LRIG3: variants seen among roughly 807,000 people sequenced by gnomAD.
LRIG3 encodes the protein leucine-rich repeats and immunoglobulin-like domains protein 3.
Under a neutral mutation model 114.5 loss-of-function variants are expected in LRIG3, and 76 were observed. The observed-to-expected ratio is 0.66, with a 90% confidence interval of 0.55 to 0.80. The LOEUF is 0.80. Ranked by LOEUF, LRIG3 falls within the 30% of genes least tolerant of loss-of-function variation. The probability of loss-of-function intolerance (pLI) is 0.00; values close to 1 mark genes in which losing one functional copy is unlikely to be tolerated. For synonymous variants in LRIG3, 512 were observed against 519.8 expected, an observed-to-expected ratio of 0.98 and a Z score of 0.20; for missense variants, 1,239 against 1,382.8, an observed-to-expected ratio of 0.90 and a Z score of 1.65.
At chr12:58,899,613 A>G (rs1459580556) in intron 3 of LRIG3, among the ~76,000 whole-genome samples, 1 of 151,540 alleles carries the variant, frequency 6.6e-6, no homozygotes, top group Admixed American at 6.6e-5. Flanking sequence ...AAAGATATTA[A>G]ATTTGTTTTG....
At chr12:58,890,475 T>C (rs988482638) in intron 4 of LRIG3, among the ~76,000 whole-genome samples, 190 bp downstream of exon 4, 2 of 152,226 alleles carry the variant, frequency 1.3e-5, no homozygotes, top group Non-Finnish European at 2.9e-5. Flanking sequence ...AAATATGTAA[T>C]TTTTTGTAAT....
In LRIG3 at chr12:58,890,715, G is replaced by T; in HGVS notation, c.465C>A (p.Asn155Lys). The T allele has an allele frequency of 6.2e-7, 1 of 1,607,344 alleles. No homozygotes were observed. The highest frequency in any genetic ancestry group is 8.5e-7 in the Non-Finnish European group (1 of 1,177,324). Residue 155 changes from asparagine (N) to lysine (K), a missense_variant, in exon 4 of 19, where the codon AAC becomes AAA. By Grantham distance (94) the Asn-to-Lys change is moderately conservative. Coordinates refer to ENST00000320743, the MANE Select transcript of LRIG3 (RefSeq NM_153377.5). ...ATGCAGTTTGGAGCTCTGAAATATT[G>T]TTGCTGCTAAGGTCCAAAGTTTCAA... Reference protein sequence around the residue: ...QSLETLDLSSNNISELQTAFP... With the variant: ...QSLETLDLSSKNISELQTAFP...
Position 58,879,090 on chromosome 12 carries a change from G to A in LRIG3, c.1817C>T (p.Thr606Ile). 8.7e-6 allele frequency: 14 copies of A among 1,612,032 alleles called. No homozygotes were observed. The highest frequency in any genetic ancestry group is 1.2e-5 in the Non-Finnish European group (14 of 1,178,466). ...KLTVNMLPSF[T>I]KTPMDLTIRA... ...GATGGTGAGATCCATGGGGGTCTTG[G>A]TGAATGAGGGAAGCACTGAAATCAG... is the stretch of plus-strand genomic sequence containing the variant. The change falls in exon 14 of 19, where the codon ACC becomes ATC. Residue 606 changes from threonine (T) to isoleucine (I), a missense_variant. Physicochemically the swap from Thr to Ile is moderately conservative, Grantham distance 89. Coordinates refer to ENST00000320743, the MANE Select transcript of LRIG3 (RefSeq NM_153377.5).
In LRIG3 at chr12:58,876,502, G is replaced by C; in HGVS notation, c.2638C>G (p.His880Asp). The change falls in exon 16 of 19, where the codon CAC becomes GAC. Residue 880 changes from histidine (H) to aspartate (D), a missense_variant. Physicochemically the swap from His to Asp is moderately conservative, Grantham distance 81 (BLOSUM62 -1). Transcript: ENST00000320743. Reference sequence around the variant, plus strand: ...GCACCTGAAGATGTGACAAACTGGTGGTGGCTTCCACTTTCTGAAGACACG... The same window carrying C: ...GCACCTGAAGATGTGACAAACTGGTCGTGGCTTCCACTTTCTGAAGACACG... ...GYVSSESGSH[H>D]QFVTSSGAGF... The C allele has an allele frequency of 7.4e-6, 12 of 1,614,134 alleles. No individual in the cohort carries two copies. Among genetic ancestry groups the C allele is most frequent in the Non-Finnish European group, 1.0e-5 (12 of 1,180,008 alleles).
intron 3 of LRIG3, among the ~76,000 whole-genome samples, chr12:58,891,157 C>T (rs745796135): frequency 6.6e-6 from 1 of 151,838 alleles, no homozygotes; most frequent in Non-Finnish European, 1.5e-5. Context: ...ACTCTGTCAC[C>T]CAGGCTACAG....
rs1413637040 is a variant in LRIG3, at chr12:58,879,996, C to T, written c.1801+585G>A. The stretch of plus-strand genomic sequence containing the variant: ...ATCAGTATACTACACTGTAAACTCT[C>T]AAAGAGGAAAACATTGCTGGGCACG... On this transcript the variant is annotated intron_variant, in intron 13 of 18. Transcript: ENST00000320743. Among the ~76,000 whole-genome samples, 5 of 152,188 alleles carry T rather than the reference C, an allele frequency of 3.3e-5. No homozygotes were observed. In the East Asian group the frequency reaches 7.7e-4, roughly 24 times the overall value.
At chr12:58,910,016 T>C (rs529938482) in intron 3 of LRIG3, among the ~76,000 whole-genome samples, 17 of 152,294 alleles carry the variant, frequency 1.1e-4, no homozygotes, top group Admixed American at 1.1e-3. Context: ...GTAGAGTACA[T>C]GTTTCGGTGT....
In LRIG3 at chr12:58,920,111, G is replaced by C. The variant is rs760193157; in HGVS notation, c.125C>G (p.Ala42Gly). 1 of 1,550,392 alleles carries C rather than the reference G, an allele frequency of 6.4e-7. No homozygotes were observed. Among genetic ancestry groups the C allele is most frequent in the Non-Finnish European group, 8.7e-7 (1 of 1,148,124 alleles). The change falls in exon 1 of 19, where the codon GCC (alanine) becomes GGC (glycine). Residue 42 changes from alanine to glycine, a missense_variant. Physicochemically the swap from Ala to Gly is moderately conservative, Grantham distance 60 (BLOSUM62 0). Transcript: ENST00000320743. ...RGELGQPSGVAAERPCPTTCR... is the reference protein window; with the variant it reads ...RGELGQPSGVGAERPCPTTCR... ...GGTAGTGGGGCATGGGCGCTCGGCG[G>C]CTACCCCAGAGGGCTGCCCGAGTTC... is the stretch of plus-strand genomic sequence containing the variant.
intron 3 of LRIG3, among the ~76,000 whole-genome samples, chr12:58,903,396 G>C (rs1871940566): frequency 6.6e-6 from 1 of 152,236 alleles, no homozygotes; most frequent in South Asian, 2.1e-4. Context: ...CATATCCTTT[G>C]CCCACTTTTT....
In LRIG3 at chr12:58,874,172, T is replaced by G; in HGVS notation, c.2998A>C (p.Thr1000Pro). The change falls in exon 18 of 19, where the codon ACT (threonine) becomes CCT (proline). Residue 1000 changes from threonine (T) to proline (P), a missense_variant. Transcript: ENST00000320743. ...GGTCCTTCATTGTGAGAGTAACTAG[T>G]GTTAAGTAGCTTCCTCACATGTGAA... ...WPSHVRKLLNTSYSHNEGPGM... is the reference protein window; with the variant it reads ...WPSHVRKLLNPSYSHNEGPGM... The G allele has an allele frequency of 6.2e-7, 1 of 1,614,204 alleles. No homozygotes were observed. The highest frequency in any genetic ancestry group is 8.5e-7 in the Non-Finnish European group (1 of 1,180,032).
intron 13 of LRIG3, among the ~76,000 whole-genome samples, chr12:58,880,114 G>A (rs1231237613): frequency 1.3e-5 from 2 of 152,066 alleles, no homozygotes; most frequent in South Asian, 4.2e-4. Flanking sequence ...GACCAATATA[G>A]TGAAACCCCG....
chr12:58,882,699 C>T (rs556103209), intron 12 of LRIG3, among the ~76,000 whole-genome samples, 170 bp downstream of exon 12: 3 of 152,240 alleles, frequency 2.0e-5, no homozygotes, highest in Non-Finnish European at 4.4e-5. Context: ...ACTCTCTTTC[C>T]CATCTGTGAA....
intron 12 of LRIG3, among the ~76,000 whole-genome samples, chr12:58,882,435 C>T (rs1469700423): frequency 6.6e-6 from 1 of 151,746 alleles, no homozygotes; most frequent in Non-Finnish European, 1.5e-5. Context: ...AATGTTTTAC[C>T]GACCAATAGT....
Position 58,914,396 on chromosome 12 carries a change from T to A in LRIG3, c.237-60A>T, listed in dbSNP as rs1471163497. 5 of 1,308,300 alleles carry A rather than the reference T, an allele frequency of 3.8e-6. 1 individual carries two copies. The highest frequency in any genetic ancestry group is 2.9e-5 in the African/African-American group (2 of 68,780). 81.0% of individuals were successfully genotyped at this position (1,308,300 alleles called of 1,614,324 possible). ...TCTAAAAATCACTAATAGTGCTAAC[T>A]GGGCTTATGAAGTATCTCTATGAAC... On this transcript the variant is annotated intron_variant, in intron 1 of 18. Coordinates refer to ENST00000320743, the MANE Select transcript of LRIG3 (RefSeq NM_153377.5).
Position 58,920,016 on chromosome 12 carries a change from A to C in LRIG3, c.220T>G (p.Ser74Ala), listed in dbSNP as rs1401890180. The change falls in exon 1 of 19, where the codon TCC (serine) becomes GCC (alanine). Residue 74 changes from serine to alanine, a missense_variant. By Grantham distance (99) the Ser-to-Ala change is moderately conservative (BLOSUM62 1). Coordinates refer to ENST00000320743, the MANE Select transcript of LRIG3 (RefSeq NM_153377.5). ...AATACTTACAGCCGAGCGACCCAGG[A>C]CGGGAGTGGCTCGGGAAGACGCGCT... ...RLARLPEPLP[S>A]WVARLDLSHN... The C allele has an allele frequency of 1.3e-5, 20 of 1,553,966 alleles. No homozygotes were observed. Among genetic ancestry groups the C allele is most frequent in the Non-Finnish European group, 1.7e-5 (20 of 1,148,746 alleles).
At chr12:58,876,330 G>T (rs1870915170) in intron 16 of LRIG3, 115 bp downstream of exon 16, 1 of 1,115,146 alleles carries the variant, frequency 9.0e-7, no homozygotes, top group Non-Finnish European at 1.3e-6. Context: ...AGTGATCTTG[G>T]GCCAGGTCCT....
chr12:58,886,324 G>A (rs770388115), intron 9 of LRIG3, among the ~76,000 whole-genome samples: 2 of 151,782 alleles, frequency 1.3e-5, no homozygotes, highest in Non-Finnish European at 2.9e-5. Flanking sequence ...GAATACTGCT[G>A]GCTTAACACA....
chr12:58,919,201 A>G (rs1872582196), intron 1 of LRIG3, among the ~76,000 whole-genome samples: 1 of 152,230 alleles, frequency 6.6e-6, no homozygotes, highest in African/African-American at 2.4e-5. Context: ...CAACTAAATT[A>G]CATTTTCTTC....
chr12:58,894,554 T>A (rs937595776), intron 3 of LRIG3, among the ~76,000 whole-genome samples: 2 of 152,130 alleles, frequency 1.3e-5, no homozygotes, highest in Non-Finnish European at 2.9e-5. Context: ...ACATATTTTA[T>A]GGAGTTGGTC....
Sources: allele counts gnomAD v4.1 joint callset (sites outside exome capture counted in the v4.1 genomes callset), GRCh38; gene constraint gnomAD v4.1.1; transcripts MANE v1.5; gene names NCBI Gene and HGNC (gene_info 2026-07-23, HGNC 2026-07-21).